C11orf65: variants seen among roughly 807,000 people sequenced by gnomAD.
C11orf65 encodes the protein chromosome 11 open reading frame 65.
A neutral mutation model predicts 35.3 loss-of-function variants in C11orf65; 38 were observed. That is an observed-to-expected ratio of 1.08 (90% CI 0.83 to 1.41). The LOEUF (loss-of-function observed/expected upper bound fraction) is 1.41, where lower values mean the gene tolerates loss of function less well. Ranked by LOEUF, C11orf65 falls within the 40% of genes most tolerant of loss-of-function variation. The pLI, the probability that C11orf65 is intolerant of heterozygous loss-of-function variation, is 0.00. For synonymous variants in C11orf65, 105 were observed against 114.4 expected, an observed-to-expected ratio of 0.92 and a Z score of 0.53; for missense variants, 370 against 367.1, an observed-to-expected ratio of 1.01 and a Z score of -0.06.
intron 2 of C11orf65, among the ~76,000 whole-genome samples, chr11:108,337,530 AT>A (rs1158198609): frequency 1.3e-5 from 2 of 152,192 alleles, no homozygotes; most frequent in African/African-American, 4.8e-5. Flanking sequence ...ATTCAGCAAG[AT>A]TAGGGTAGAA....
intron 7 of C11orf65, among the ~76,000 whole-genome samples, 181 bp downstream of exon 7, chr11:108,393,027 A>T (rs1376538637): frequency 4.6e-5 from 7 of 152,130 alleles, no homozygotes; most frequent in Admixed American, 4.6e-4. Context: ...CTATTTTTGG[A>T]TCATTCATTT....
intron 3 of C11orf65, among the ~76,000 whole-genome samples, chr11:108,423,963 A>G (rs2092860849): frequency 6.6e-6 from 1 of 152,228 alleles, no homozygotes; most frequent in Non-Finnish European, 1.5e-5. Flanking sequence ...AACAGGCACT[A>G]AAAGGCAGAA....
At chr11:108,334,137 A>T (rs2136625802) in intron 3 of C11orf65, among the ~76,000 whole-genome samples, 1 of 152,258 alleles carries the variant, frequency 6.6e-6, no homozygotes, top group Middle Eastern at 3.4e-3. Flanking sequence ...AAGCCCTAAA[A>T]TACTCAAAAG....
intron 2 of C11orf65, among the ~76,000 whole-genome samples, chr11:108,360,825 C>G (rs2090641972): frequency 9.7e-6 from 1 of 102,620 alleles, no homozygotes; most frequent in Non-Finnish European, 1.9e-5. Flanking sequence ...CTATGACAAA[C>G]CCAGAGCCAA....
downstream of C11orf65, chr11:108,330,314 T>G (rs876659365): frequency 1.2e-6 from 2 of 1,614,094 alleles, no homozygotes; most frequent in Non-Finnish European, 1.7e-6. Flanking sequence ...AGTTGAAAAT[T>G]ATATCAACTG....
At chr11:108,336,557 T>C (rs1358028538) in intron 2 of C11orf65, 1 of 153,548 alleles carries the variant, frequency 6.5e-6, no homozygotes, top group African/African-American at 2.4e-5. Flanking sequence ...TTTATACAAG[T>C]CCTTATCGAT....
chr11:108,403,408 G>GGT (rs1390264418), intron 6 of C11orf65, among the ~76,000 whole-genome samples: 3 of 70,954 alleles, frequency 4.2e-5, no homozygotes, highest in Admixed American at 1.2e-4. Context: ...TTGTTTGAGA[G>GGT]GTTTTTTTTT....
chr11:108,429,517 T>C (rs1356775263), intron 3 of C11orf65, among the ~76,000 whole-genome samples: 1 of 152,200 alleles, frequency 6.6e-6, no homozygotes, highest in Non-Finnish European at 1.5e-5. Flanking sequence ...CTATGAAGAA[T>C]ATATAACCCT....
At chr11:108,358,378 A>G (rs1044284357) in intron 2 of C11orf65, among the ~76,000 whole-genome samples, 7 of 147,332 alleles carry the variant, frequency 4.8e-5, no homozygotes, top group East Asian at 4.0e-4. Context: ...TCTGCAGGAT[A>G]TTATCCAGGA....
downstream of C11orf65, among the ~76,000 whole-genome samples, chr11:108,382,446 G>A (rs934800475): frequency 6.6e-6 from 1 of 152,244 alleles, no homozygotes; most frequent in South Asian, 2.1e-4. Flanking sequence ...AGAGAAAAAT[G>A]TAAACAAGGA....
intron 2 of C11orf65, among the ~76,000 whole-genome samples, chr11:108,371,101 G>C (rs1165997081): frequency 2.0e-5 from 3 of 152,154 alleles, no homozygotes; most frequent in Non-Finnish European, 4.4e-5. Flanking sequence ...TAGTATTAAA[G>C]GTTAAGGTCA....
In C11orf65 at chr11:108,316,109, T is replaced by C. The variant is rs372838622; in HGVS notation, c.641-7038A>G. ...TCATCAACACGCCAGGCAGGAATCA[T>C]TCAGGTACATTTTTTCCCAGATTTG... On this transcript the variant is annotated intron_variant, in intron 6 of 6. Transcript: ENST00000525729. The C allele has an allele frequency of 2.0e-5, 32 of 1,613,760 alleles. No individual in the cohort carries two copies. In the African/African-American group the frequency reaches 3.5e-4, roughly 17 times the overall value.
upstream of C11orf65, among the ~76,000 whole-genome samples, chr11:108,469,158 G>C (rs1591636075): frequency 2.0e-5 from 3 of 151,724 alleles, no homozygotes; most frequent in South Asian, 6.3e-4. Context: ...GTTGGTTGCA[G>C]TGAGCCGAGA....
chr11:108,360,147 A>G (rs2090540379), intron 2 of C11orf65, among the ~76,000 whole-genome samples: 3 of 150,930 alleles, frequency 2.0e-5, no homozygotes, highest in African/African-American at 2.4e-5. Flanking sequence ...ACAAACTACC[A>G]TCAGAGAATA....
intron 2 of C11orf65, among the ~76,000 whole-genome samples, chr11:108,450,769 T>TATA (rs1044486768): frequency 1.3e-5 from 2 of 151,450 alleles, no homozygotes; most frequent in African/African-American, 4.9e-5. Flanking sequence ...AAACTTAAAG[T>TATA]ATAATAATAA....
chr11:108,437,621 T>C (rs891935981), intron 2 of C11orf65, among the ~76,000 whole-genome samples: 2 of 141,724 alleles, frequency 1.4e-5, no homozygotes, highest in African/African-American at 5.3e-5. Flanking sequence ...GGAGAATCGC[T>C]TGAATCCGGG....
chr11:108,374,526 A>G (rs2091666141), intron 2 of C11orf65, among the ~76,000 whole-genome samples: 1 of 152,194 alleles, frequency 6.6e-6, no homozygotes, highest in African/African-American at 2.4e-5. Context: ...ATAAAACCAC[A>G]AAGATGGGGA....
At chr11:108,422,170 C>T (rs973345792) in intron 3 of C11orf65, among the ~76,000 whole-genome samples, 23 of 152,188 alleles carry the variant, frequency 1.5e-4, no homozygotes, top group East Asian at 3.9e-4. Flanking sequence ...CCTCATGATC[C>T]GCCCGACTCA....
At chr11:108,308,719 A>C (rs1159229763) in exon 7 of C11orf65, 4 of 330,918 alleles carry the variant, frequency 1.2e-5, no homozygotes, top group African/African-American at 8.3e-5. Context: ...TGAGTGAAAA[A>C]TGAAATGTTT....
Sources: allele counts gnomAD v4.1 joint callset (sites outside exome capture counted in the v4.1 genomes callset), GRCh38; gene constraint gnomAD v4.1.1; transcripts MANE v1.5; gene names NCBI Gene and HGNC (gene_info 2026-07-23, HGNC 2026-07-21).